LCLAT1: variants seen among roughly 807,000 people sequenced by gnomAD.
LCLAT1 encodes the protein lysocardiolipin acyltransferase 1, also known as 1-AGP acyltransferase 8.
A neutral mutation model predicts 30.7 loss-of-function variants in LCLAT1; 11 were observed. The observed-to-expected ratio is 0.36, with a 90% confidence interval of 0.23 to 0.59. The LOEUF (loss-of-function observed/expected upper bound fraction) is 0.59, where lower values mean the gene tolerates loss of function less well. Among genes scored for constraint, LCLAT1 ranks in the 20% least tolerant of loss-of-function variants. The pLI is 0.77. For synonymous variants in LCLAT1, 155 were observed against 151.3 expected (o/e 1.02, Z -0.18); for missense variants, 402 against 458.6 (o/e 0.88, Z 1.13).
chr2:30,568,153 T>C lies in LCLAT1; in HGVS notation c.605T>C (p.Phe202Ser), dbSNP rs1665587213. ...VLHPRTTGFT[F>S]VVDRLREGKN... is the part of the protein sequence containing the mutation. ...CATCCAAGAACTACAGGCTTTACTT[T>C]TGTGGTAGACCGTCTAAGAGAAGGT... Residue 202 changes from phenylalanine to serine, a missense_variant, in exon 5 of 6, where the codon TTT (phenylalanine) becomes TCT (serine). Transcript: ENST00000379509. 6.3e-7 allele frequency: 1 copy of C among 1,599,818 alleles called. No individual in the cohort carries two copies. Among genetic ancestry groups the C allele is most frequent in the African/African-American group, 1.3e-5 (1 of 74,340 alleles).
At position 30,459,586 on chromosome 2, in the gene LCLAT1, G is replaced by A. The variant is rs200938472; in HGVS notation, c.-5+12203G>A. 290 of 1,498,576 alleles carry A rather than the reference G, an allele frequency of 1.9e-4. 3 individuals are homozygous for A. The East Asian group carries it at 6.5e-3, about 33-fold the overall frequency. The allele number at this position is 1,498,576 out of a possible 1,614,324, so 92.8% of individuals were successfully genotyped here. A position where few individuals can be genotyped will look rare whatever the true frequency, so the allele number is the denominator to read the frequency against. On this transcript the variant is annotated intron_variant, in intron 1 of 5. Coordinates refer to ENST00000379509, the MANE Select transcript of LCLAT1 (RefSeq NM_001002257.3). The stretch of plus-strand genomic sequence containing the variant: ...CAGAGTGGGTACTCTCTTCTGGGAA[G>A]CTGGCAACAAATGGATGATGTGATA...
intron 5 of LCLAT1, among the ~76,000 whole-genome samples, chr2:30,600,428 T>C (rs1272855006): frequency 6.6e-6 from 1 of 152,082 alleles, no homozygotes. Context: ...GATCTCAAAT[T>C]GACATCCTAA....
chr2:30,457,393 G>C (rs1324792990), intron 1 of LCLAT1, among the ~76,000 whole-genome samples: 2 of 152,332 alleles, frequency 1.3e-5, no homozygotes, highest in East Asian at 3.9e-4. Context: ...GTGCTGGCTA[G>C]AGCAATTTTC....
chr2:30,501,941 A>G (rs554230508), intron 1 of LCLAT1, among the ~76,000 whole-genome samples: 1 of 152,346 alleles, frequency 6.6e-6, no homozygotes, highest in East Asian at 1.9e-4. Flanking sequence ...AGTGATATGT[A>G]TATCAGTGAT....
chr2:30,552,486 T>G (rs1664723703), intron 3 of LCLAT1: 2 of 434,628 alleles, frequency 4.6e-6, no homozygotes, highest in Non-Finnish European at 9.3e-6. Context: ...CTATCTTGTA[T>G]TTTCAGCACA....
chr2:30,638,584 C>T (rs1211569089), intron 5 of LCLAT1, among the ~76,000 whole-genome samples: 2 of 152,076 alleles, frequency 1.3e-5, no homozygotes, highest in South Asian at 2.1e-4. Flanking sequence ...TCAGAGACTC[C>T]GCAGCAACAA....
intron 3 of LCLAT1, among the ~76,000 whole-genome samples, chr2:30,551,476 A>G (rs139577812): frequency 8.0e-4 from 121 of 151,972 alleles, no homozygotes; most frequent in African/African-American, 2.8e-3. Flanking sequence ...CCTTTTTTTT[A>G]TGAAGAATGA....
chr2:30,636,720 A>G (rs554236330), intron 5 of LCLAT1, among the ~76,000 whole-genome samples: 44 of 152,346 alleles, frequency 2.9e-4, no homozygotes, highest in African/African-American at 1.0e-3. Context: ...CATCAAGAAG[A>G]AGGAAGAAAG....
At position 30,519,095 on chromosome 2, in the gene LCLAT1, G is replaced by A. The variant is rs532793111; in HGVS notation, c.-4-6492G>A. 1.2e-4 allele frequency among the ~76,000 whole-genome samples: 18 copies of A among 152,306 alleles called. No individual in the cohort carries two copies. The East Asian group carries it at 3.5e-3, about 29-fold the overall frequency. On this transcript the variant is annotated intron_variant, in intron 1 of 5. Transcript: ENST00000379509. ...ATACTTAGGGCTAAAATTATCCAAA[G>A]GCACCTGGGCCCTCACTGAGGAACA...
chr2:30,545,141 G>C (rs532923565), intron 3 of LCLAT1, among the ~76,000 whole-genome samples: 59 of 152,228 alleles, frequency 3.9e-4, no homozygotes, highest in Non-Finnish European at 7.6e-4. Flanking sequence ...AGTAATTTAA[G>C]CCAGGCATAA....
chr2:30,551,759 G>C (rs910824298), intron 3 of LCLAT1, among the ~76,000 whole-genome samples: 1 of 152,164 alleles, frequency 6.6e-6, no homozygotes, highest in Non-Finnish European at 1.5e-5. Context: ...TTCAAAGCCA[G>C]CATTGGCTGG....
chr2:30,529,570 C>T (rs10206668), intron 2 of LCLAT1, among the ~76,000 whole-genome samples: 19,132 of 152,208 alleles, frequency 0.13, 1,339 homozygotes, highest in South Asian at 0.23. Flanking sequence ...AACCGACAGT[C>T]TGATTACTAC....
chr2:30,604,607 A>T (rs1037561155), intron 5 of LCLAT1, among the ~76,000 whole-genome samples: 1 of 145,914 alleles, frequency 6.9e-6, no homozygotes, highest in African/African-American at 2.5e-5. Flanking sequence ...AAATCCAGTG[A>T]GCCGAGATCG....
intron 5 of LCLAT1, among the ~76,000 whole-genome samples, chr2:30,597,220 A>G (rs1258152564): frequency 6.6e-6 from 1 of 151,618 alleles, no homozygotes; most frequent in Non-Finnish European, 1.5e-5. Context: ...TTGAATCTGT[A>G]AATTGCTTTG....
At chr2:30,567,632 T>TA (rs1344278067) in intron 4 of LCLAT1, among the ~76,000 whole-genome samples, 2 of 152,192 alleles carry the variant, frequency 1.3e-5, no homozygotes, top group African/African-American at 4.8e-5. Flanking sequence ...GATGGGCAGT[T>TA]ACCCGAGACA....
chr2:30,564,337 T>C (rs1665379168), intron 4 of LCLAT1, among the ~76,000 whole-genome samples: 1 of 152,148 alleles, frequency 6.6e-6, no homozygotes, highest in Non-Finnish European at 1.5e-5. Flanking sequence ...TAAAAACTAA[T>C]GAAAGAAAGG....
chr2:30,556,159 G>T (rs921580464), intron 3 of LCLAT1, among the ~76,000 whole-genome samples: 3 of 152,198 alleles, frequency 2.0e-5, no homozygotes, highest in South Asian at 4.1e-4. Flanking sequence ...TATCTCTGTT[G>T]TACCTATTTC....
chr2:30,525,116 T>C (rs1171690780), intron 1 of LCLAT1, among the ~76,000 whole-genome samples: 2 of 149,684 alleles, frequency 1.3e-5, no homozygotes, highest in African/African-American at 5.1e-5. Context: ...TATCAGTTTC[T>C]TTTTTTTTGA....
At chr2:30,528,302 A>G (rs946237335) in intron 2 of LCLAT1, among the ~76,000 whole-genome samples, 4 of 152,236 alleles carry the variant, frequency 2.6e-5, no homozygotes, top group African/African-American at 7.2e-5. Flanking sequence ...AAGTTACCAA[A>G]CAAATTCTGC....
Sources: allele counts gnomAD v4.1 joint callset (sites outside exome capture counted in the v4.1 genomes callset), GRCh38; gene constraint gnomAD v4.1.1; transcripts MANE v1.5; gene names NCBI Gene and HGNC (gene_info 2026-07-23, HGNC 2026-07-21).